The following PCDHGA2 variants were observed in gnomAD, a reference collection of about 807,000 sequenced individuals.
The protein encoded by PCDHGA2 is protocadherin gamma-A2.
A neutral mutation model predicts 59.2 loss-of-function variants in PCDHGA2; 40 were observed. That is an observed-to-expected ratio of 0.68 (90% CI 0.52 to 0.88). The LOEUF is 0.88. Among genes scored for constraint, PCDHGA2 ranks in the 40% least tolerant of loss-of-function variants. The pLI is 0.00. For synonymous variants in PCDHGA2, 560 were observed against 526.0 expected (o/e 1.06, Z -0.89); for missense variants, 1,226 against 1,204.0 (o/e 1.02, Z -0.27).
At chr5:141,386,929 A>G (rs1329848875) in intron 1 of PCDHGA2, among the ~76,000 whole-genome samples, 1 of 152,216 alleles carries the variant, frequency 6.6e-6, no homozygotes, top group Non-Finnish European at 1.5e-5. Context: ...AAATAAGTGC[A>G]GAGGTAGGAA....
At chr5:141,410,830 G>T in intron 1 of PCDHGA2, 11 of 332,874 alleles carry the variant, frequency 3.3e-5, no homozygotes, top group East Asian at 5.9e-5. Context: ...TCACCAGACT[G>T]AAGATATTTT....
chr5:141,380,058 C>G (rs1231461261), intron 1 of PCDHGA2, among the ~76,000 whole-genome samples: 1 of 151,888 alleles, frequency 6.6e-6, no homozygotes, highest in Non-Finnish European at 1.5e-5. Flanking sequence ...TGCCACCATG[C>G]CTAGCTAATT....
chr5:141,499,261 GT>G (rs2099790689), intron 2 of PCDHGA2, among the ~76,000 whole-genome samples: 1 of 152,022 alleles, frequency 6.6e-6, no homozygotes, highest in South Asian at 2.1e-4. Context: ...TCTCCATTTG[GT>G]CCCTAGACTG....
intron 1 of PCDHGA2, among the ~76,000 whole-genome samples, chr5:141,438,511 C>G (rs1436337566): frequency 6.8e-6 from 1 of 146,550 alleles, no homozygotes; most frequent in Non-Finnish European, 1.5e-5. Context: ...AGTGCAAAAC[C>G]AATTATTTTA....
At chr5:141,363,183 T>C (rs6890708) in intron 1 of PCDHGA2, among the ~76,000 whole-genome samples, 3,287 of 152,342 alleles carry the variant, frequency 0.022, 57 homozygotes, top group Non-Finnish European at 0.033. Context: ...TTTTAACAAA[T>C]TGCTCTTAAG....
chr5:141,497,466 G>T (rs1047422582), intron 2 of PCDHGA2, among the ~76,000 whole-genome samples: 2 of 152,020 alleles, frequency 1.3e-5, no homozygotes, highest in African/African-American at 4.8e-5. Flanking sequence ...TGGAGATATG[G>T]AGGAGAAGGT....
At chr5:141,344,184 G>C (rs747892220) in intron 1 of PCDHGA2, 14 of 1,614,016 alleles carry the variant, frequency 8.7e-6, no homozygotes, top group Non-Finnish European at 1.2e-5. Context: ...CATCGCTAAC[G>C]ACCTGGGGCT....
intron 1 of PCDHGA2, chr5:141,371,363 T>C: frequency 3.7e-6 from 6 of 1,613,948 alleles, no homozygotes; most frequent in Non-Finnish European, 5.1e-6. Flanking sequence ...AAGCAAAGGA[T>C]GGTGGACATC....
intron 1 of PCDHGA2, among the ~76,000 whole-genome samples, chr5:141,436,749 C>T (rs2097844674): frequency 6.6e-6 from 1 of 152,154 alleles, no homozygotes; most frequent in Admixed American, 6.5e-5. Flanking sequence ...TGTGCTTCTC[C>T]ATATGGTATA....
Position 141,476,610 on chromosome 5 carries a change from G to A in PCDHGA2, c.2425-18197G>A, listed in dbSNP as rs769858609. ...GAGAGCGCGCACGATCCCGATGTGGGAAGCAACTCTTTACAAACCTATGAG... is the reference window on the plus strand; with the variant it reads ...GAGAGCGCGCACGATCCCGATGTGGAAAGCAACTCTTTACAAACCTATGAG... On this transcript the variant is annotated intron_variant, in intron 1 of 3. Coordinates refer to ENST00000394576, the MANE Select transcript of PCDHGA2 (RefSeq NM_018915.4). The surrounding 1 kb of genome is among the most constrained non-coding windows in gnomAD (Gnocchi z 7.6). The A allele has an allele frequency of 1.2e-6, 2 of 1,614,262 alleles. No homozygotes were observed. The highest frequency in any genetic ancestry group is 3.3e-5 in the Admixed American group (2 of 60,036).
chr5:141,362,427 G>C (rs1762495108), intron 1 of PCDHGA2: 3 of 1,614,030 alleles, frequency 1.9e-6, no homozygotes, highest in Non-Finnish European at 1.7e-6. Context: ...CCAAGACAGA[G>C]TTCAATTTTC....
intron 1 of PCDHGA2, chr5:141,393,983 A>T: frequency 1.9e-6 from 3 of 1,613,710 alleles, no homozygotes; most frequent in Non-Finnish European, 2.5e-6. Context: ...GTGATAATTT[A>T]CCTTTTAAAT....
chr5:141,502,098 G>T (rs1341016516), intron 2 of PCDHGA2, among the ~76,000 whole-genome samples: 2 of 152,108 alleles, frequency 1.3e-5, no homozygotes, highest in Non-Finnish European at 2.9e-5. Flanking sequence ...ACCTGGCCTT[G>T]ACCCTGCACC....
chr5:141,370,235 G>T, intron 1 of PCDHGA2: 5 of 608,818 alleles, frequency 8.2e-6, no homozygotes, highest in Non-Finnish European at 1.3e-5. Flanking sequence ...CAGCTCGGAA[G>T]AAAAGTGCAC....
In PCDHGA2 at chr5:141,415,739, GGTTTTT is replaced by G; in HGVS notation, c.2424+74345_2424+74350del. On this transcript the variant is annotated intron_variant, in intron 1 of 3. Coordinates refer to ENST00000394576, the MANE Select transcript of PCDHGA2 (RefSeq NM_018915.4). ...ATGAGTAGAATTTGATGTTTATTAA[GGTTTTT>G]TTTTTTTTTTTTTTTTTTTTTTTTT... is the stretch of plus-strand genomic sequence containing the variant. 1.4e-4 allele frequency: 59 copies of G among 434,890 alleles called. 1 individual carries two copies. The African/African-American group carries it at 1.6e-3, about 12-fold the overall frequency. The allele number at this position is 434,890 out of a possible 1,614,324, so 26.9% of individuals were successfully genotyped here.
At chr5:141,354,901 A>C (rs1394350336) in intron 1 of PCDHGA2, 1 of 397,230 alleles carries the variant, frequency 2.5e-6, no homozygotes, top group African/African-American at 2.1e-5. Context: ...GAGAAATAGG[A>C]ATAGAAAAGT....
intron 1 of PCDHGA2, among the ~76,000 whole-genome samples, chr5:141,369,320 G>T (rs775938147): frequency 6.6e-6 from 1 of 152,104 alleles, no homozygotes. Flanking sequence ...TACTTGAGAA[G>T]AAACAGTACA....
Position 141,375,778 on chromosome 5 carries a change from C to G in PCDHGA2, c.2424+34383C>G. Reference sequence around the variant, plus strand: ...ACAATGCGCCCGAGATCCTGTACCCCGCCCTCCCCACAGACGGTTCCACTG... The same window carrying G: ...ACAATGCGCCCGAGATCCTGTACCCGGCCCTCCCCACAGACGGTTCCACTG... On this transcript the variant is annotated intron_variant, in intron 1 of 3. Coordinates refer to ENST00000394576, the MANE Select transcript of PCDHGA2 (RefSeq NM_018915.4). The G allele has an allele frequency of 1.9e-6, 3 of 1,614,242 alleles. No homozygotes were observed. The African/African-American group carries it at 4.0e-5, about 22-fold the overall frequency.
chr5:141,413,573 A>G (rs375156046), intron 1 of PCDHGA2: 12 of 1,613,768 alleles, frequency 7.4e-6, no homozygotes, highest in South Asian at 4.4e-5. Context: ...ATCAATGACA[A>G]TGCTCCAAAA....
Sources: gnomAD v4.1 joint callset for allele counts (sites outside exome capture counted in the v4.1 genomes callset) on GRCh38, gnomAD v4.1.1 for gene constraint, Gnocchi (gnomAD v3.1) non-coding constraint, MANE v1.5 for transcripts, NCBI Gene and HGNC (gene_info 2026-07-23, HGNC 2026-07-21) for gene names.